EPHA5: variants seen among roughly 807,000 people sequenced by gnomAD.
EPHA5 encodes EPH receptor A5.
In EPHA5, 60 loss-of-function variants were observed where a neutral mutation model predicts 105.0. That is an observed-to-expected ratio of 0.57 (90% CI 0.46 to 0.71). EPHA5 has a LOEUF of 0.71. Among genes scored for constraint, EPHA5 ranks in the 30% least tolerant of loss-of-function variants. EPHA5 has a pLI of 0.00. For missense variants in EPHA5, 1,218 were observed against 1,274.7 expected (o/e 0.96, Z 0.68); for synonymous variants, 513 against 449.1 (o/e 1.14, Z -1.80).
intron 2 of EPHA5, among the ~76,000 whole-genome samples, chr4:65,630,573 C>T (rs1298127724): frequency 1.3e-5 from 2 of 152,140 alleles, no homozygotes; most frequent in Non-Finnish European, 1.5e-5. Flanking sequence ...GCCTGCTTGG[C>T]CCTCTTCCAC....
chr4:65,569,010 T>C (rs1739845867), intron 3 of EPHA5, among the ~76,000 whole-genome samples: 1 of 151,306 alleles, frequency 6.6e-6, no homozygotes, highest in African/African-American at 2.4e-5. Context: ...GCTTAAATGA[T>C]TGAAAAGCAA....
At chr4:65,376,079 T>C (rs1718973448) in intron 8 of EPHA5, among the ~76,000 whole-genome samples, 2 of 151,986 alleles carry the variant, frequency 1.3e-5, no homozygotes, top group African/African-American at 4.8e-5. Flanking sequence ...CATTTGCACA[T>C]CTGTATACAC....
intron 8 of EPHA5, among the ~76,000 whole-genome samples, chr4:65,370,616 C>T (rs1425357484): frequency 6.6e-6 from 1 of 151,982 alleles, no homozygotes; most frequent in African/African-American, 2.4e-5. Flanking sequence ...TTAAATAAGC[C>T]TCACGGATAT....
intron 5 of EPHA5, among the ~76,000 whole-genome samples, chr4:65,440,406 G>T (rs1399352808): frequency 6.6e-6 from 1 of 151,600 alleles, no homozygotes; most frequent in South Asian, 2.1e-4. Context: ...TATTATGTGT[G>T]CAAAAATTTA....
At chr4:65,556,642 G>A (rs1217122452) in intron 3 of EPHA5, among the ~76,000 whole-genome samples, 2 of 152,034 alleles carry the variant, frequency 1.3e-5, no homozygotes, top group Non-Finnish European at 2.9e-5. Context: ...AGTATTTTCT[G>A]ATTACTATAG....
intron 5 of EPHA5, among the ~76,000 whole-genome samples, chr4:65,469,682 A>G (rs1007494580): frequency 2.0e-5 from 3 of 152,140 alleles, no homozygotes; most frequent in Admixed American, 2.0e-4. Context: ...TAACACAAAA[A>G]AATTAGATAT....
At chr4:65,583,609 A>G (rs1741850706) in intron 3 of EPHA5, among the ~76,000 whole-genome samples, 1 of 151,816 alleles carries the variant, frequency 6.6e-6, no homozygotes, top group African/African-American at 2.4e-5. Flanking sequence ...TGAATAATGC[A>G]TATCGCCTAT....
intron 8 of EPHA5, among the ~76,000 whole-genome samples, chr4:65,374,591 G>T (rs535180712): frequency 6.6e-6 from 1 of 151,764 alleles, no homozygotes; most frequent in South Asian, 2.1e-4. Context: ...AACGTTCTTC[G>T]GAACGCTAAA....
intron 8 of EPHA5, among the ~76,000 whole-genome samples, chr4:65,367,829 C>T (rs1280983535): frequency 2.6e-5 from 4 of 151,938 alleles, no homozygotes; most frequent in African/African-American, 7.2e-5. Context: ...GCCTTCATCA[C>T]CCTGCACAAT....
chr4:65,378,845 A>G (rs1003597334), intron 8 of EPHA5, among the ~76,000 whole-genome samples: 3 of 151,796 alleles, frequency 2.0e-5, no homozygotes, highest in African/African-American at 7.3e-5. Context: ...TAAGCAGTCA[A>G]TGTTTTACCA....
intron 15 of EPHA5, among the ~76,000 whole-genome samples, chr4:65,334,109 C>A (rs1384191355): frequency 6.6e-6 from 1 of 151,904 alleles, no homozygotes; most frequent in Non-Finnish European, 1.5e-5. Flanking sequence ...ACTCCCCACT[C>A]CAAAACCAAA....
chr4:65,439,427 C>A (rs1295730277), intron 5 of EPHA5, among the ~76,000 whole-genome samples: 1 of 150,006 alleles, frequency 6.7e-6, no homozygotes, highest in African/African-American at 2.5e-5. Context: ...CACATCTCCA[C>A]CCCCACACCA....
chr4:65,531,765 A>T (rs1735822810), intron 3 of EPHA5, among the ~76,000 whole-genome samples: 1 of 152,188 alleles, frequency 6.6e-6, no homozygotes, highest in Non-Finnish European at 1.5e-5. Flanking sequence ...AATGACAATG[A>T]TCCAGGAATC....
At chr4:65,623,817 A>G (rs921514771) in intron 2 of EPHA5, among the ~76,000 whole-genome samples, 10 of 152,202 alleles carry the variant, frequency 6.6e-5, no homozygotes, top group Admixed American at 1.3e-4. Context: ...AATTCACATG[A>G]AAGATTATAA....
chr4:65,376,885 G>A (rs560323783), intron 8 of EPHA5: 3 of 851,782 alleles, frequency 3.5e-6, no homozygotes, highest in Admixed American at 6.6e-5. Context: ...TTCACCTTGG[G>A]GAGCCAGTTT....
At chr4:65,402,925 G>C (rs1052529233) in intron 8 of EPHA5, among the ~76,000 whole-genome samples, 2 of 152,122 alleles carry the variant, frequency 1.3e-5, no homozygotes, top group Admixed American at 6.6e-5. Flanking sequence ...ATTCTCCCCA[G>C]GTGACTTCAG....
chr4:65,547,440 G>A (rs1325669108), intron 3 of EPHA5, among the ~76,000 whole-genome samples: 1 of 151,924 alleles, frequency 6.6e-6, no homozygotes, highest in Non-Finnish European at 1.5e-5. Flanking sequence ...CATTGACTGA[G>A]CTGTCTGACA....
chr4:65,589,035 G>C (rs1376220939), intron 3 of EPHA5, among the ~76,000 whole-genome samples: 1 of 152,110 alleles, frequency 6.6e-6, no homozygotes, highest in African/African-American at 2.4e-5. Flanking sequence ...TAAGCTTTAT[G>C]AGCCTCCAAT....
At chr4:65,354,592 A>G (rs1456477828) in intron 11 of EPHA5, among the ~76,000 whole-genome samples, 1 of 151,730 alleles carries the variant, frequency 6.6e-6, no homozygotes, top group Non-Finnish European at 1.5e-5. Context: ...CAAATACTAT[A>G]CAATTGTGAA....
Sources: gnomAD v4.1 joint callset for allele counts (sites outside exome capture counted in the v4.1 genomes callset) on GRCh38, gnomAD v4.1.1 for gene constraint, MANE v1.5 for transcripts, NCBI Gene and HGNC (gene_info 2026-07-23, HGNC 2026-07-21) for gene names.